The following NUP155 variants were observed in gnomAD, a reference collection of about 807,000 sequenced individuals.
The protein encoded by NUP155 is nucleoporin 155.
A neutral mutation model predicts 180.4 loss-of-function variants in NUP155; 71 were observed. The observed-to-expected ratio is 0.39, with a 90% CI of 0.33 to 0.48. The LOEUF (loss-of-function observed/expected upper bound fraction) is 0.48. Ranked by LOEUF, NUP155 falls within the 20% of genes least tolerant of loss-of-function variation. The probability of loss-of-function intolerance (pLI) is 0.91; values close to 1 mark genes in which losing one functional copy is unlikely to be tolerated. For missense variants in NUP155, 1,553 were observed against 1,648.9 expected (o/e 0.94, Z 1.01); for synonymous variants, 582 against 559.5 (o/e 1.04, Z -0.57).
intron 33 of NUP155, 51 bp from the exon 34 acceptor site, chr5:37,293,036 T>TTAAATAATCA: frequency 8.2e-7 from 1 of 1,213,060 alleles, no homozygotes; most frequent in Non-Finnish European, 1.2e-6. Context: ...GTCAATTGAT[T>TTAAATAATCA]ATTTAAATCA....
At position 37,370,896 on chromosome 5, in the gene NUP155, G is replaced by C; in HGVS notation, c.82C>G (p.Arg28Gly). The change falls in exon 1 of 35, where the codon CGG (arginine) becomes GGG (glycine). Residue 28 changes from arginine (R) to glycine (G), a missense_variant. Arg to Gly is a moderately radical substitution (Grantham distance 125). Coordinates refer to ENST00000231498, the MANE Select transcript of NUP155 (RefSeq NM_153485.3). ...ALQEALENAG[R>G]LIDRQLQEDR... is the part of the protein sequence containing the mutation. ...TCTTGCAACTGACGGTCGATGAGCC[G>C]TCCAGCATTTTCCAGAGCTTCCTGC... 3 of 1,614,192 alleles carry C rather than the reference G, an allele frequency of 1.9e-6. No individual in the cohort carries two copies. Among genetic ancestry groups the C allele is most frequent in the Admixed American group, 1.7e-5 (1 of 60,016 alleles).
chr5:37,327,758 A>G lies in NUP155; in HGVS notation c.1895T>C (p.Met632Thr), dbSNP rs1581166110. 6.2e-7 allele frequency: 1 copy of G among 1,614,162 alleles called. No homozygotes were observed. The highest frequency in any genetic ancestry group is 8.5e-7 in the Non-Finnish European group (1 of 1,180,016). ...TCCCAGAGCACACACTGGAGTTGAC[A>G]TGGCAGGAGGCTGTATACCTTGTAC... The part of the protein sequence containing the change: ...TPSHGIQPPA[M>T]STPVCALGNP... Residue 632 changes from methionine to threonine, a missense_variant, in exon 18 of 35, where the codon ATG becomes ACG. By Grantham distance (81) the Met-to-Thr change is moderately conservative. Coordinates refer to ENST00000231498, the MANE Select transcript of NUP155 (RefSeq NM_153485.3).
At chr5:37,299,620 G>T (rs1561767045) in intron 30 of NUP155, 52 bp from the exon 31 acceptor site, 2 of 1,560,808 alleles carry the variant, frequency 1.3e-6, no homozygotes, top group Non-Finnish European at 1.8e-6. Context: ...AACATTCAGA[G>T]ATTAATAGTG....
At chr5:37,348,278 TG>T (rs1172786717) in intron 9 of NUP155, among the ~76,000 whole-genome samples, 3 of 152,012 alleles carry the variant, frequency 2.0e-5, no homozygotes, top group African/African-American at 7.3e-5. Flanking sequence ...CACTCCAGCC[TG>T]GGTGACAGAG....
intron 29 of NUP155, among the ~76,000 whole-genome samples, chr5:37,301,896 A>G (rs1742881027): frequency 2.0e-5 from 3 of 152,184 alleles, no homozygotes; most frequent in Admixed American, 6.5e-5. Flanking sequence ...TGTCAGGGCT[A>G]TAGTTTTTAA....
At position 37,317,987 on chromosome 5, in the gene NUP155, C is replaced by A. The variant is rs1744008626; in HGVS notation, c.2305+1G>T. The A allele has an allele frequency of 6.4e-7, 1 of 1,566,122 alleles. No homozygotes were observed. The highest frequency in any genetic ancestry group is 1.4e-5 in the African/African-American group (1 of 73,968). On this transcript the variant is annotated splice_donor_variant, in intron 21 of 34. Coordinates refer to ENST00000231498, the MANE Select transcript of NUP155 (RefSeq NM_153485.3). LOFTEE classifies it high-confidence loss of function. ...TTAACTGATGAGAAGCAATAATTTA[C>A]CATGAAACTTCCTCTGCAGTTCCTG...
intron 19 of NUP155, among the ~76,000 whole-genome samples, chr5:37,324,893 C>T (rs892231502): frequency 6.6e-6 from 1 of 152,108 alleles, no homozygotes; most frequent in Non-Finnish European, 1.5e-5. Context: ...TGGTGGCTCA[C>T]GCCTGTATTC....
intron 12 of NUP155, among the ~76,000 whole-genome samples, chr5:37,334,292 A>G (rs1446050874): frequency 2.6e-5 from 4 of 151,988 alleles, no homozygotes; most frequent in Non-Finnish European, 2.9e-5. Context: ...TTGTATGAAC[A>G]GGGTTTTACC....
At chr5:37,302,452 TC>T (rs1411258659) in intron 29 of NUP155, among the ~76,000 whole-genome samples, 1 of 152,204 alleles carries the variant, frequency 6.6e-6, no homozygotes, top group Non-Finnish European at 1.5e-5. Flanking sequence ...GCCAGGCTGG[TC>T]TCGAACTTCT....
chr5:37,315,536 G>A (rs748721624), intron 21 of NUP155, among the ~76,000 whole-genome samples: 11 of 143,976 alleles, frequency 7.6e-5, no homozygotes, highest in African/African-American at 1.2e-4. Context: ...ATCCCAATGA[G>A]ATGCCATTCC....
At position 37,352,778 on chromosome 5, in the gene NUP155, T is replaced by A; in HGVS notation, c.515A>T (p.Asp172Val). Residue 172 changes from aspartate (D) to valine (V), a missense_variant, in exon 5 of 35, where the codon GAC becomes GTC. By Grantham distance (152) the Asp-to-Val change is radical (BLOSUM62 -3). Coordinates refer to ENST00000231498, the MANE Select transcript of NUP155 (RefSeq NM_153485.3). ...ATAGCTGAGTCCAAGAATTACTATG[T>A]CTACAGGGGTCGCCAAAACCAGGAG... Reference protein sequence around the residue: ...RHLLVLATPVDIVILGLSYAN... With the variant: ...RHLLVLATPVVIVILGLSYAN... 3.1e-6 allele frequency: 5 copies of A among 1,613,666 alleles called. No individual in the cohort carries two copies. The highest frequency in any genetic ancestry group is 4.2e-6 in the Non-Finnish European group (5 of 1,179,704).
intron 34 of NUP155, 67 bp downstream of exon 34, chr5:37,292,809 ATTT>A: frequency 1.0e-6 from 1 of 957,980 alleles, no homozygotes; most frequent in Non-Finnish European, 1.7e-6. Context: ...TTCTCTTCAA[ATTT>A]TTTACCCAGG....
At position 37,363,891 on chromosome 5, in the gene NUP155, T is replaced by C. The variant is rs1358490286; in HGVS notation, c.389A>G (p.Asp130Gly). The change falls in exon 3 of 35, where the codon GAT (aspartate) becomes GGT (glycine). Residue 130 changes from aspartate (D) to glycine (G), a missense_variant. Physicochemically the swap from Asp to Gly is moderately conservative, Grantham distance 94. Transcript: ENST00000231498. ...DSDIFMWNYEDGGDLAYFDGL... is the reference protein window; with the variant it reads ...DSDIFMWNYEGGGDLAYFDGL... ...CAAACCAGCCTTAAATACATACCCA[T>C]CCTCATAGTTCCACATGAATATATC... The C allele has an allele frequency of 6.2e-7, 1 of 1,605,292 alleles. No homozygotes were observed. The highest frequency in any genetic ancestry group is 2.2e-5 in the East Asian group (1 of 44,832).
intron 24 of NUP155, 122 bp from the exon 25 acceptor site, chr5:37,307,554 T>C (rs1743236097): frequency 1.1e-6 from 1 of 912,768 alleles, no homozygotes; most frequent in Admixed American, 2.0e-5. Context: ...GTCACCCTGC[T>C]AACATAAAAT....
chr5:37,308,769 AC>A (rs1743331043), intron 24 of NUP155, among the ~76,000 whole-genome samples: 1 of 150,192 alleles, frequency 6.7e-6, no homozygotes, highest in South Asian at 2.1e-4. Context: ...AATACCAGCT[AC>A]CCGGGAGGCT....
Position 37,324,073 on chromosome 5 carries a change from G to A in NUP155, c.2126C>T (p.Ser709Leu), listed in dbSNP as rs766563974. Residue 709 changes from serine to leucine, a missense_variant, in exon 20 of 35, where the codon TCA (serine) becomes TTA (leucine). Transcript: ENST00000231498. Reference protein sequence around the residue: ...ESSVPCQLLESVLQELKGLQE... With the variant: ...ESSVPCQLLELVLQELKGLQE... ...CAAACCCTTTAGTTCTTGTAGCACT[G>A]ACTCTAGCAGTTGGCAGGGAACACT... 1 of 1,613,716 alleles carries A rather than the reference G, an allele frequency of 6.2e-7. No individual in the cohort carries two copies. Among genetic ancestry groups the A allele is most frequent in the Non-Finnish European group, 8.5e-7 (1 of 1,179,724 alleles).
At chr5:37,293,871 C>T (rs1361986041) in intron 33 of NUP155, among the ~76,000 whole-genome samples, 2 of 110,824 alleles carry the variant, frequency 1.8e-5, no homozygotes, top group Non-Finnish European at 1.6e-5. Flanking sequence ...CGGTGGCGGG[C>T]GCCTGTAGTC....
At chr5:37,297,523 C>T (rs978805537) in intron 32 of NUP155, among the ~76,000 whole-genome samples, 1 of 151,604 alleles carries the variant, frequency 6.6e-6, no homozygotes, top group Non-Finnish European at 1.5e-5. Context: ...GAACCACAGG[C>T]GCATGCCACT....
intron 19 of NUP155, among the ~76,000 whole-genome samples, chr5:37,324,448 C>T (rs571357891): frequency 6.6e-6 from 1 of 152,132 alleles, no homozygotes; most frequent in Non-Finnish European, 1.5e-5. Context: ...GAGGTAACTA[C>T]TTTTCTTACT....
Sources: allele counts gnomAD v4.1 joint callset (sites outside exome capture counted in the v4.1 genomes callset), GRCh38; gene constraint gnomAD v4.1.1; transcripts MANE v1.5; gene names NCBI Gene and HGNC (gene_info 2026-07-23, HGNC 2026-07-21).